Variants in USP34 observed in about 807,000 individuals in gnomAD.
The protein encoded by USP34 is ubiquitin specific peptidase 34.
USP34 carries 70 observed loss-of-function variants against 460.3 expected under a neutral mutation model. That is an observed-to-expected ratio of 0.15 (90% CI 0.13 to 0.19). The LOEUF is 0.19. Among genes scored for constraint, USP34 ranks in the 10% least tolerant of loss-of-function variants. USP34 has a pLI of 1.00. For synonymous variants in USP34, 1,647 were observed against 1,405.3 expected (o/e 1.17, Z -3.85); for missense variants, 3,985 against 4,236.2 (o/e 0.94, Z 1.65).
intron 10 of USP34, among the ~76,000 whole-genome samples, chr2:61,364,961 A>G (rs1440559441): frequency 6.6e-6 from 1 of 151,296 alleles, no homozygotes. Flanking sequence ...AAATAAATAA[A>G]TAAATAAATA....
intron 2 of USP34, among the ~76,000 whole-genome samples, chr2:61,415,954 C>T (rs1261763394): frequency 6.6e-6 from 1 of 152,200 alleles, no homozygotes; most frequent in Non-Finnish European, 1.5e-5. Flanking sequence ...AGTAAACATT[C>T]ATGAGGAATC....
At chr2:61,274,667 C>T (rs1264012086) in intron 41 of USP34, among the ~76,000 whole-genome samples, 2 of 152,166 alleles carry the variant, frequency 1.3e-5, no homozygotes, top group Non-Finnish European at 2.9e-5. Context: ...CTCTTTGCAC[C>T]TATCAGACTG....
Position 61,187,907 on chromosome 2 carries a change from A to G in USP34, c.*195T>C, listed in dbSNP as rs747693313. The stretch of plus-strand genomic sequence containing the variant: ...CATATCCATTATCTGATTGCCCTTT[A>G]GGAAGTATACTGAAGATGCAAGTTT... On this transcript the variant is annotated 3_prime_UTR_variant, in exon 80 of 80. Transcript: ENST00000398571. 2.3e-5 allele frequency: 33 copies of G among 1,413,542 alleles called. No homozygotes were observed. The highest frequency in any genetic ancestry group is 2.9e-5 in the Non-Finnish European group (31 of 1,081,070). 87.6% of individuals were successfully genotyped at this position (1,413,542 alleles called of 1,614,324 possible).
intron 8 of USP34, 39 bp from the exon 9 acceptor site, chr2:61,370,618 T>G (rs759392812): frequency 6.3e-7 from 1 of 1,582,184 alleles, no homozygotes; most frequent in South Asian, 1.2e-5. Flanking sequence ...TAAAAAAAAT[T>G]GTCATCTTTT....
At chr2:61,410,474 C>T (rs1380499113) in intron 2 of USP34, among the ~76,000 whole-genome samples, 2 of 152,202 alleles carry the variant, frequency 1.3e-5, no homozygotes, top group Non-Finnish European at 1.5e-5. Context: ...CCTTCAGCTC[C>T]TGCTGTGTGG....
chr2:61,440,096 G>A (rs779117530), intron 1 of USP34, among the ~76,000 whole-genome samples: 1 of 152,114 alleles, frequency 6.6e-6, no homozygotes. Flanking sequence ...TGAGGCACCT[G>A]CCTGAGTGCT....
At chr2:61,376,024 G>A (rs1692789530) in intron 8 of USP34, among the ~76,000 whole-genome samples, 1 of 152,096 alleles carries the variant, frequency 6.6e-6, no homozygotes, top group Non-Finnish European at 1.5e-5. Flanking sequence ...TAAATCTACA[G>A]AGACAGAAAG....
rs998514779 is a variant in USP34, at chr2:61,395,455, A to C, written c.553-222T>G. 4.6e-5 allele frequency among the ~76,000 whole-genome samples: 7 copies of C among 152,274 alleles called. No individual in the cohort carries two copies. The East Asian group carries it at 1.3e-3, about 29-fold the overall frequency. On this transcript the variant is annotated intron_variant, in intron 3 of 79. Transcript: ENST00000398571. ...AGCCATTCCACAGTACATACTACAC[A>C]CTATTTTGCCTTATTAAACATTAAG...
intron 8 of USP34, 63 bp downstream of exon 8, chr2:61,378,300 T>G: frequency 8.2e-7 from 1 of 1,226,854 alleles, no homozygotes; most frequent in Non-Finnish European, 1.1e-6. Flanking sequence ...AATTAGAATT[T>G]ACCATATAAA....
At chr2:61,382,863 C>G (rs942178303) in intron 6 of USP34, among the ~76,000 whole-genome samples, 1 of 152,178 alleles carries the variant, frequency 6.6e-6, no homozygotes, top group African/African-American at 2.4e-5. Flanking sequence ...TCCTATAATA[C>G]TTATCACTTT....
At chr2:61,231,598 C>G (rs1204790578) in intron 58 of USP34, among the ~76,000 whole-genome samples, 2 of 151,932 alleles carry the variant, frequency 1.3e-5, no homozygotes, top group African/African-American at 4.8e-5. Context: ...GCTTGTAGTT[C>G]CAGCTACTCA....
intron 10 of USP34, among the ~76,000 whole-genome samples, chr2:61,364,683 C>T (rs1026279018): frequency 6.6e-6 from 1 of 152,166 alleles, no homozygotes; most frequent in African/African-American, 2.4e-5. Context: ...TATCCCAGCA[C>T]TTTGGGAGGT....
At chr2:61,389,620 C>G (rs530353009) in intron 5 of USP34, among the ~76,000 whole-genome samples, 2 of 152,106 alleles carry the variant, frequency 1.3e-5, no homozygotes, top group East Asian at 3.9e-4. Context: ...AACAGAGGTA[C>G]AATTCAAACC....
Position 61,241,752 on chromosome 2 carries a change from A to G in USP34, c.6681+14T>C. ...AAAAAACAATATAAAATTATACATG[A>G]AAAAAATGGTTACCTTTTCAAAAGA... is the stretch of plus-strand genomic sequence containing the variant. On this transcript the variant is annotated intron_variant, in intron 52 of 79. Coordinates refer to ENST00000398571, the MANE Select transcript of USP34 (RefSeq NM_014709.4). 2 of 1,499,776 alleles carry G rather than the reference A, an allele frequency of 1.3e-6. No individual in the cohort carries two copies. The highest frequency in any genetic ancestry group is 1.8e-6 in the Non-Finnish European group (2 of 1,105,468). 92.9% of individuals were successfully genotyped at this position (1,499,776 alleles called of 1,614,324 possible). A position where few individuals can be genotyped will look rare whatever the true frequency, so the allele number is the denominator to read the frequency against.
At chr2:61,314,213 A>G (rs955608157) in intron 25 of USP34, among the ~76,000 whole-genome samples, 1 of 151,974 alleles carries the variant, frequency 6.6e-6, no homozygotes, top group African/African-American at 2.4e-5. Flanking sequence ...TGATTCAACT[A>G]TGAGATTATT....
chr2:61,459,042 G>A (rs193014184), intron 1 of USP34, among the ~76,000 whole-genome samples: 6 of 152,158 alleles, frequency 3.9e-5, no homozygotes. Context: ...ATCCAACCTG[G>A]GTGACAAATC....
chr2:61,452,161 G>A (rs1232211126), intron 1 of USP34, among the ~76,000 whole-genome samples: 8 of 147,898 alleles, frequency 5.4e-5, no homozygotes, highest in South Asian at 4.3e-4. Flanking sequence ...GCGACAGAGC[G>A]AGACTCCGTC....
At chr2:61,218,237 G>C (rs1054702053) in intron 67 of USP34, among the ~76,000 whole-genome samples, 1 of 145,408 alleles carries the variant, frequency 6.9e-6, no homozygotes, top group African/African-American at 2.5e-5. Flanking sequence ...TCTTTGTTAA[G>C]AGCGCACAGC....
At chr2:61,453,702 G>A (rs1695349274) in intron 1 of USP34, among the ~76,000 whole-genome samples, 1 of 108,710 alleles carries the variant, frequency 9.2e-6, no homozygotes, top group South Asian at 2.9e-4. Context: ...GCAACAGAGT[G>A]ACATTCCATC....
Sources: gnomAD v4.1 joint callset for allele counts (sites outside exome capture counted in the v4.1 genomes callset) on GRCh38, gnomAD v4.1.1 for gene constraint, MANE v1.5 for transcripts, NCBI Gene and HGNC (gene_info 2026-07-23, HGNC 2026-07-21) for gene names.